The following CDC27 variants were observed in gnomAD, a reference collection of about 807,000 sequenced individuals.
CDC27 encodes the protein cell division cycle 27.
Under a neutral mutation model 109.7 loss-of-function variants are expected in CDC27, and 27 were observed. The ratio of observed to expected loss-of-function variants is 0.25; its 90% CI spans 0.18 to 0.34. The LOEUF (loss-of-function observed/expected upper bound fraction) is 0.34. Ranked by LOEUF, CDC27 falls within the 10% of genes least tolerant of loss-of-function variation. The pLI is 1.00. For synonymous variants in CDC27, 266 were observed against 333.9 expected, an observed-to-expected ratio of 0.80 and a Z score of 2.22; for missense variants, 579 against 960.2, an observed-to-expected ratio of 0.60 and a Z score of 5.25.
chr17:47,144,009 T>C, intron 9 of CDC27, 27 bp from the exon 10 acceptor site: 1 of 1,028,350 alleles, frequency 9.7e-7, no homozygotes, highest in Non-Finnish European at 1.3e-6. Context: ...AAGGAAGACA[T>C]TAATATTTTA....
In CDC27 at chr17:47,173,234, A is replaced by C. The variant is rs1407037543; in HGVS notation, c.104-1170T>G. 2.0e-5 allele frequency among the ~76,000 whole-genome samples: 3 copies of C among 152,190 alleles called. No individual in the cohort carries two copies. In the East Asian group the frequency reaches 5.8e-4, roughly 29 times the overall value. On this transcript the variant is annotated intron_variant, in intron 2 of 18. Transcript: ENST00000066544. The stretch of plus-strand genomic sequence containing the variant: ...TTGTCACAGATATGTGCAAGCAAAA[A>C]CCAACAGAACCCTTCTTCTCTGGTC...
At chr17:47,169,270 C>T (rs1012871806) in intron 4 of CDC27, among the ~76,000 whole-genome samples, 5 of 152,038 alleles carry the variant, frequency 3.3e-5, no homozygotes, top group African/African-American at 4.8e-5. Context: ...AGATTACAGG[C>T]GTGAGACAAT....
intron 4 of CDC27, among the ~76,000 whole-genome samples, chr17:47,165,314 C>T (rs991972855): frequency 1.3e-5 from 2 of 152,126 alleles, no homozygotes; most frequent in Non-Finnish European, 2.9e-5. Context: ...CAGCAGTGTA[C>T]GAGGAATCCT....
chr17:47,188,629 C>G, intron 1 of CDC27: 2 of 461,104 alleles, frequency 4.3e-6, no homozygotes, highest in Non-Finnish European at 5.7e-6. Context: ...AGAAAGGAAA[C>G]GTGGGATAGG....
At chr17:47,121,153 T>A (rs1419646430) in intron 18 of CDC27, 136 bp from the exon 19 acceptor site, 14 of 622,142 alleles carry the variant, frequency 2.3e-5, no homozygotes, top group Middle Eastern at 4.2e-4. Context: ...AATCCTCATA[T>A]CCTTTAATAA....
intron 9 of CDC27, among the ~76,000 whole-genome samples, chr17:47,145,272 G>C (rs1056772493): frequency 1.3e-5 from 2 of 152,144 alleles, no homozygotes; most frequent in African/African-American, 2.4e-5. Context: ...GTGTTGAAAA[G>C]AAAATGTTGA....
At chr17:47,186,887 T>C (rs1039025880) in intron 1 of CDC27, among the ~76,000 whole-genome samples, 12 of 152,224 alleles carry the variant, frequency 7.9e-5, no homozygotes, top group Admixed American at 7.9e-4. Flanking sequence ...GCTTTCCAAA[T>C]ACACGCAATC....
At chr17:47,152,293 A>G (rs1018394671) in intron 8 of CDC27, among the ~76,000 whole-genome samples, 9 of 152,180 alleles carry the variant, frequency 5.9e-5, no homozygotes, top group Admixed American at 3.3e-4. Context: ...CTCAAGATTT[A>G]TGATTTATCT....
At chr17:47,154,315 C>T (rs930996975) in intron 8 of CDC27, among the ~76,000 whole-genome samples, 2 of 151,728 alleles carry the variant, frequency 1.3e-5, no homozygotes, top group African/African-American at 2.4e-5. Flanking sequence ...CTATGGCAGA[C>T]ATAATTTCTG....
chr17:47,121,137 C>T, intron 18 of CDC27, 120 bp from the exon 19 acceptor site: 1 of 656,786 alleles, frequency 1.5e-6, no homozygotes. Flanking sequence ...AATAAAGGCC[C>T]TTAAAAATCC....
intron 2 of CDC27, among the ~76,000 whole-genome samples, chr17:47,180,945 TAAAAAAAAA>T (rs34061862): frequency 3.6e-4 from 40 of 111,672 alleles, no homozygotes; most frequent in Admixed American, 1.3e-3. Context: ...ACTCTTTTCT[TAAAAAAAAA>T]AAAAAAAAAA....
intron 4 of CDC27, among the ~76,000 whole-genome samples, chr17:47,158,576 G>A (rs1422366010): frequency 6.6e-6 from 1 of 151,576 alleles, no homozygotes; most frequent in African/African-American, 2.4e-5. Flanking sequence ...TAGAGTTATT[G>A]AGGGAGATGT....
intron 2 of CDC27, 105 bp downstream of exon 2, chr17:47,181,457 A>G (rs2064235103): frequency 1.7e-6 from 1 of 602,234 alleles, no homozygotes; most frequent in African/African-American, 1.8e-5. Flanking sequence ...AATCAGAAAA[A>G]CAACAAGATG....
intron 16 of CDC27, among the ~76,000 whole-genome samples, chr17:47,127,000 G>A (rs1458515326): frequency 2.0e-5 from 3 of 152,102 alleles, no homozygotes; most frequent in East Asian, 1.9e-4. Flanking sequence ...CACCATGTTG[G>A]CCAGGCTGGT....
chr17:47,176,907 G>A (rs753447906), intron 2 of CDC27, among the ~76,000 whole-genome samples: 9 of 151,822 alleles, frequency 5.9e-5, no homozygotes, highest in Admixed American at 1.3e-4. Context: ...AACACAATCT[G>A]GTAAATAAGT....
chr17:47,181,254 CAAAAAAAAAAAAAAA>C (rs34104273), intron 2 of CDC27: 44 of 31,244 alleles, frequency 1.4e-3, no homozygotes, highest in African/African-American at 2.7e-3. Context: ...GACCCTGTTT[CAAAAAAAAAAAAAAA>C]AAAAAAAAAA....
At chr17:47,188,806 G>A in intron 1 of CDC27, 1 of 1,206,246 alleles carries the variant, frequency 8.3e-7, no homozygotes, top group Non-Finnish European at 1.0e-6. Flanking sequence ...TTAGGCAAGA[G>A]AGCGCTTGGG....
At chr17:47,153,808 G>A (rs2063218174) in intron 8 of CDC27, among the ~76,000 whole-genome samples, 1 of 152,032 alleles carries the variant, frequency 6.6e-6, no homozygotes, top group African/African-American at 2.4e-5. Context: ...GCCTCAGCAG[G>A]GCAGTGACTC....
At chr17:47,147,320 A>G (rs1234701522) in intron 9 of CDC27, among the ~76,000 whole-genome samples, 1 of 150,896 alleles carries the variant, frequency 6.6e-6, no homozygotes, top group Non-Finnish European at 1.5e-5. Context: ...AATGGCGTGA[A>G]CCCGGGAGGC....
Sources: gnomAD v4.1 joint callset for allele counts (sites outside exome capture counted in the v4.1 genomes callset) on GRCh38, gnomAD v4.1.1 for gene constraint, MANE v1.5 for transcripts, NCBI Gene and HGNC (gene_info 2026-07-23, HGNC 2026-07-21) for gene names.